Variants in FAM167A observed in about 807,000 individuals in gnomAD.
FAM167A encodes the protein family with sequence similarity 167 member A.
A neutral mutation model predicts 14.9 loss-of-function variants in FAM167A; 23 were observed. The observed-to-expected ratio is 1.55, with a 90% CI of 1.11 to 2.19. The LOEUF is 2.19. Ranked by LOEUF, FAM167A falls within the 30% of genes most tolerant of loss-of-function variation. The pLI, the probability that FAM167A is intolerant of heterozygous loss-of-function variation, is 0.00. For synonymous variants in FAM167A, 174 were observed against 117.7 expected, an observed-to-expected ratio of 1.48 and a Z score of -3.10; for missense variants, 401 against 281.5, an observed-to-expected ratio of 1.42 and a Z score of -3.04.
intron 2 of FAM167A, among the ~76,000 whole-genome samples, chr8:11,435,601 C>A (rs1200592349): frequency 3.5e-4 from 54 of 152,258 alleles, no homozygotes; most frequent in Non-Finnish European, 1.5e-5. Context: ...CCGGGCTGAC[C>A]GCCACCCTCT....
intron 2 of FAM167A, among the ~76,000 whole-genome samples, chr8:11,433,272 A>G (rs1164545207): frequency 2.6e-5 from 4 of 152,228 alleles, no homozygotes; most frequent in Admixed American, 2.6e-4. Context: ...GAGCAACTCT[A>G]TGAAGGTGTT....
chr8:11,425,398 C>G (rs76275473), intron 2 of FAM167A, among the ~76,000 whole-genome samples: 7,229 of 152,188 alleles, frequency 0.048, 207 homozygotes, highest in African/African-American at 0.075. Context: ...CAGCTGGACT[C>G]CAGAACCAAA....
chr8:11,469,787 G>A (rs999746405), upstream of FAM167A, among the ~76,000 whole-genome samples: 5 of 152,006 alleles, frequency 3.3e-5, no homozygotes, highest in African/African-American at 9.7e-5. Flanking sequence ...GGAGGCTGAG[G>A]TGGGACTGCT....
chr8:11,436,411 G>C (rs1216195244), intron 2 of FAM167A, among the ~76,000 whole-genome samples: 3 of 152,228 alleles, frequency 2.0e-5, no homozygotes, highest in African/African-American at 7.2e-5. Context: ...CATGGCCCAG[G>C]TACGGCTGTT....
At chr8:11,446,055 G>C (rs1397939747) in intron 1 of FAM167A, among the ~76,000 whole-genome samples, 1 of 150,136 alleles carries the variant, frequency 6.7e-6, no homozygotes, top group African/African-American at 2.5e-5. Context: ...AATAGCCATA[G>C]TCATGATTAC....
chr8:11,456,098 CTGTGTGTGTG>C (rs1201675627), intron 1 of FAM167A, among the ~76,000 whole-genome samples: 2 of 93,464 alleles, frequency 2.1e-5, no homozygotes, highest in Non-Finnish European at 2.1e-5. Context: ...GGTTGCCTTG[CTGTGTGTGTG>C]TGTGAATGTG....
intron 1 of FAM167A, among the ~76,000 whole-genome samples, chr8:11,457,843 C>T (rs1332199944): frequency 1.3e-5 from 2 of 152,216 alleles, no homozygotes; most frequent in African/African-American, 2.4e-5. Context: ...CAGTCACTTG[C>T]TTTCCTCATG....
chr8:11,423,388 T>C lies in FAM167A; in HGVS notation c.*985A>G, dbSNP rs1804897466. On this transcript the variant is annotated 3_prime_UTR_variant, in exon 3 of 3. Transcript: ENST00000284486. ...TACTAACAAGTGAACAACACATCAGTAACAGTCTTATTAAAACTAGTTGTT... is the reference window on the plus strand; with the variant it reads ...TACTAACAAGTGAACAACACATCAGCAACAGTCTTATTAAAACTAGTTGTT... 6.6e-6 allele frequency: 1 copy of C among 152,640 alleles called. No homozygotes were observed. Among genetic ancestry groups the C allele is most frequent in the Non-Finnish European group, 1.5e-5 (1 of 68,044 alleles). The allele number at this position is 152,640 out of a possible 1,614,324, so 9.5% of individuals were successfully genotyped here. A position where few individuals can be genotyped will look rare whatever the true frequency, so the allele number is the denominator to read the frequency against.
chr8:11,435,549 C>G (rs976897233), intron 2 of FAM167A, among the ~76,000 whole-genome samples: 2 of 152,338 alleles, frequency 1.3e-5, no homozygotes, highest in African/African-American at 2.4e-5. Flanking sequence ...CCTGTCTCCA[C>G]GGCTGGGACA....
intron 1 of FAM167A, among the ~76,000 whole-genome samples, chr8:11,457,181 G>A (rs1193711939): frequency 1.3e-5 from 2 of 151,690 alleles, no homozygotes; most frequent in African/African-American, 4.9e-5. Context: ...CAGCGCTCCT[G>A]GGGTTTTCTC....
At chr8:11,469,939 A>T (rs879701342), upstream of FAM167A, among the ~76,000 whole-genome samples, 9 of 152,072 alleles carry the variant, frequency 5.9e-5, no homozygotes, top group Non-Finnish European at 1.2e-4. Context: ...TTAAACTTAA[A>T]ATATTCTTTC....
At chr8:11,459,248 C>T (rs1309200937) in intron 1 of FAM167A, among the ~76,000 whole-genome samples, 1 of 152,158 alleles carries the variant, frequency 6.6e-6, no homozygotes, top group Non-Finnish European at 1.5e-5. Context: ...ATTATCTCTA[C>T]TGCAGGCAAG....
rs986726932 is a variant in FAM167A at position 11,444,772 on chromosome 8, G to A, written c.-361C>T. ...CAGACTGGCAGGAAGAAGGCCCAGA[G>A]CTCTCTCTTCTCGGGAAGGGCAGGT... On this transcript the variant is annotated 5_prime_UTR_variant, in exon 2 of 3. Coordinates refer to ENST00000284486, the MANE Select transcript of FAM167A (RefSeq NM_053279.3). The A allele has an allele frequency of 6.9e-6, 7 of 1,019,732 alleles. No individual in the cohort carries two copies. In the African/African-American group the frequency reaches 1.2e-4, roughly 17 times the overall value. 63.2% of individuals were successfully genotyped at this position (1,019,732 alleles called of 1,614,324 possible).
intron 1 of FAM167A, among the ~76,000 whole-genome samples, chr8:11,460,084 G>A (rs1585278782): frequency 6.6e-6 from 1 of 152,238 alleles, no homozygotes; most frequent in African/African-American, 2.4e-5. Flanking sequence ...TCCTGGGCCA[G>A]TCCCAGGGAC....
chr8:11,473,678 G>A (rs996438658), intron 1 of FAM167A, among the ~76,000 whole-genome samples: 3 of 152,160 alleles, frequency 2.0e-5, no homozygotes, highest in Non-Finnish European at 2.9e-5. Context: ...CTTGCTGTCA[G>A]GCTGCTTTGG....
chr8:11,445,383 A>G, intron 1 of FAM167A: 1 of 985,908 alleles, frequency 1.0e-6, no homozygotes. Flanking sequence ...GTCTTACTCT[A>G]CGCTCCTAGC....
chr8:11,457,193 A>G (rs1807364182), intron 1 of FAM167A, among the ~76,000 whole-genome samples: 1 of 151,640 alleles, frequency 6.6e-6, no homozygotes, highest in Non-Finnish European at 1.5e-5. Flanking sequence ...GGTTTTCTCC[A>G]AGCACCCCTG....
At chr8:11,467,236 A>T (rs897161583), upstream of FAM167A, among the ~76,000 whole-genome samples, 2 of 152,258 alleles carry the variant, frequency 1.3e-5, no homozygotes, top group Non-Finnish European at 2.9e-5. Flanking sequence ...TGGCTGCCAG[A>T]TGAGGAAACT....
intron 2 of FAM167A, among the ~76,000 whole-genome samples, chr8:11,428,056 T>C (rs1454597177): frequency 6.6e-6 from 1 of 152,240 alleles, no homozygotes; most frequent in Admixed American, 6.5e-5. Flanking sequence ...CATCTGTCAC[T>C]TCTCTTTGGA....
Sources: allele counts gnomAD v4.1 joint callset (sites outside exome capture counted in the v4.1 genomes callset), GRCh38; gene constraint gnomAD v4.1.1; transcripts MANE v1.5; gene names NCBI Gene and HGNC (gene_info 2026-07-23, HGNC 2026-07-21).